Variants in SLC8A1 observed in about 807,000 individuals in gnomAD.
The protein encoded by SLC8A1 is sodium/calcium exchanger 1.
A neutral mutation model predicts 68.3 loss-of-function variants in SLC8A1; 18 were observed. The observed-to-expected ratio is 0.26, with a 90% CI of 0.18 to 0.39. The LOEUF is 0.39. Ranked by LOEUF, SLC8A1 falls within the 10% of genes least tolerant of loss-of-function variation. SLC8A1 has a pLI of 1.00. For missense variants in SLC8A1, 985 were observed against 1,156.7 expected (o/e 0.85, Z 2.15); for synonymous variants, 475 against 415.5 (o/e 1.14, Z -1.74).
At chr2:40,408,746 T>C (rs935098946) in intron 2 of SLC8A1, among the ~76,000 whole-genome samples, 18 of 152,174 alleles carry the variant, frequency 1.2e-4, no homozygotes, top group African/African-American at 3.6e-4. Context: ...CAGTTAGATA[T>C]TTAAAACTCA....
intron 2 of SLC8A1, among the ~76,000 whole-genome samples, chr2:40,239,565 T>C (rs1027473541): frequency 3.3e-5 from 5 of 152,180 alleles, no homozygotes; most frequent in African/African-American, 1.2e-4. Context: ...GGTTTCTGAC[T>C]CTCCTCCTCC....
chr2:40,237,226 T>C (rs1385754881), intron 2 of SLC8A1, among the ~76,000 whole-genome samples: 1 of 152,226 alleles, frequency 6.6e-6, no homozygotes, highest in Non-Finnish European at 1.5e-5. Flanking sequence ...ATTGTCCCCA[T>C]CGCTTTCAGG....
intron 2 of SLC8A1, among the ~76,000 whole-genome samples, chr2:40,266,968 T>C (rs148206431): frequency 1.3e-5 from 2 of 152,156 alleles, no homozygotes; most frequent in African/African-American, 4.8e-5. Context: ...GAACTGGATG[T>C]ACAGGTAAAT....
chr2:40,144,462 T>C (rs560990407), intron 6 of SLC8A1, among the ~76,000 whole-genome samples: 1 of 152,272 alleles, frequency 6.6e-6, no homozygotes, highest in East Asian at 1.9e-4. Context: ...CATTTTACTA[T>C]AGAAAATGCC....
At chr2:40,342,296 G>A (rs1667944812) in intron 2 of SLC8A1, among the ~76,000 whole-genome samples, 1 of 152,024 alleles carries the variant, frequency 6.6e-6, no homozygotes, top group African/African-American at 2.4e-5. Context: ...CTTTAAACTG[G>A]CCTTACCATC....
chr2:40,189,697 C>T (rs1247896342), intron 2 of SLC8A1: 2 of 152,122 alleles, frequency 1.3e-5, no homozygotes. Context: ...ACCCATAATC[C>T]TATCACTAGA....
chr2:40,373,356 T>C (rs900977452), intron 2 of SLC8A1, among the ~76,000 whole-genome samples: 17 of 152,094 alleles, frequency 1.1e-4, no homozygotes, highest in Non-Finnish European at 1.6e-4. Context: ...TCTTCAAAAA[T>C]AGATCATCAC....
intron 4 of SLC8A1, among the ~76,000 whole-genome samples, chr2:40,166,190 C>T (rs1558592204): frequency 6.6e-6 from 1 of 152,164 alleles, no homozygotes; most frequent in Non-Finnish European, 1.5e-5. Flanking sequence ...GGCCTCCCCC[C>T]TGCTGAGGGA....
intron 1 of SLC8A1, among the ~76,000 whole-genome samples, chr2:40,493,493 TAATAA>T (rs200158060): frequency 0.039 from 5,898 of 149,988 alleles, 375 homozygotes; most frequent in East Asian, 0.32. Flanking sequence ...ACTTAAAGTA[TAATAA>T]AATAAAATAA....
At chr2:40,391,104 C>G (rs1372537190) in intron 2 of SLC8A1, among the ~76,000 whole-genome samples, 4 of 151,156 alleles carry the variant, frequency 2.6e-5, no homozygotes, top group East Asian at 1.9e-4. Context: ...GTATGCTTCT[C>G]TACTAATCCT....
chr2:40,139,524 T>C, exon 7 of SLC8A1: 1 of 1,614,006 alleles, frequency 6.2e-7, no homozygotes. Flanking sequence ...ATCATGAGGA[T>C]GGAGACAATG....
intron 2 of SLC8A1, chr2:40,251,775 GTAAGCCTCATATGAC>G (rs1379402714): frequency 6.6e-6 from 1 of 152,136 alleles, no homozygotes; most frequent in Non-Finnish European, 1.5e-5. Flanking sequence ...TACATGCACG[GTAAGCCTCATATGAC>G]TTTCGTCTCT....
intron 1 of SLC8A1, among the ~76,000 whole-genome samples, chr2:40,488,709 T>C (rs1373412160): frequency 6.6e-6 from 1 of 152,182 alleles, no homozygotes; most frequent in Non-Finnish European, 1.5e-5. Flanking sequence ...AAAGGTTATT[T>C]AAATTCACAT....
At chr2:40,342,714 T>C (rs1474628310) in intron 2 of SLC8A1, among the ~76,000 whole-genome samples, 4 of 152,190 alleles carry the variant, frequency 2.6e-5, no homozygotes, top group Non-Finnish European at 4.4e-5. Flanking sequence ...TATTCAACGA[T>C]ACTAAAGTCT....
chr2:40,420,360 T>TA (rs200504689), intron 2 of SLC8A1, among the ~76,000 whole-genome samples: 44,411 of 138,240 alleles, frequency 0.32, 6,682 homozygotes, highest in East Asian at 0.44. Context: ...GGTAACACAT[T>TA]AAAAAAAAAA....
intron 1 of SLC8A1, among the ~76,000 whole-genome samples, chr2:40,510,703 CTCTT>C (rs1706667719): frequency 6.6e-6 from 1 of 152,114 alleles, no homozygotes; most frequent in African/African-American, 2.4e-5. Context: ...TTCTCTCTCT[CTCTT>C]TCTAACTCTC....
At chr2:40,420,891 C>T (rs180744663) in intron 2 of SLC8A1, among the ~76,000 whole-genome samples, 78 of 152,264 alleles carry the variant, frequency 5.1e-4, no homozygotes, top group African/African-American at 1.8e-3. Flanking sequence ...TCTGGATCCA[C>T]CCTTTATTAG....
At chr2:40,510,574 C>T (rs192742610) in intron 1 of SLC8A1, among the ~76,000 whole-genome samples, 87 of 152,088 alleles carry the variant, frequency 5.7e-4, no homozygotes, top group Non-Finnish European at 1.1e-3. Context: ...TTTGAGAAGC[C>T]GGCTGGTATA....
intron 2 of SLC8A1, among the ~76,000 whole-genome samples, chr2:40,321,067 T>G (rs1032047336): frequency 1.3e-5 from 2 of 152,124 alleles, no homozygotes; most frequent in Non-Finnish European, 2.9e-5. Flanking sequence ...TTTGTTCGAT[T>G]TGGCTCTGTA....
Sources: gnomAD v4.1 joint callset for allele counts (sites outside exome capture counted in the v4.1 genomes callset) on GRCh38, gnomAD v4.1.1 for gene constraint, MANE v1.5 for transcripts, NCBI Gene and HGNC (gene_info 2026-07-23, HGNC 2026-07-21) for gene names.